The following DPP9 variants were observed in gnomAD, a reference collection of about 807,000 sequenced individuals.
DPP9 encodes the protein dipeptidyl peptidase 9, also known as dipeptidyl peptidase IV-related protein-2.
DPP9 carries 50 observed loss-of-function variants against 110.7 expected under a neutral mutation model. That is an observed-to-expected ratio of 0.45 (90% CI 0.36 to 0.57). DPP9 has a LOEUF of 0.57. Among genes scored for constraint, DPP9 ranks in the 20% least tolerant of loss-of-function variants. DPP9 has a pLI of 0.00. For synonymous variants in DPP9, 561 were observed against 514.4 expected (o/e 1.09, Z -1.23); for missense variants, 1,022 against 1,217.9 (o/e 0.84, Z 2.39).
rs2091998934 is a variant in DPP9, at chr19:4,698,706, C to T, written c.1075-1055G>A. Among the ~76,000 whole-genome samples, 1 of 151,942 alleles carries T rather than the reference C, an allele frequency of 6.6e-6. No individual in the cohort carries two copies. The highest frequency in any genetic ancestry group is 1.5e-5 in the Non-Finnish European group (1 of 68,018). On this transcript the variant is annotated intron_variant, in intron 10 of 21. Transcript: ENST00000262960. The surrounding 1 kb of genome is among the most constrained non-coding windows in gnomAD (Gnocchi z 4.2). Reference sequence around the variant, plus strand: ...TTGAGGCTGCAGTGGGTCATGATTGCACCAGTGTACTCCAGCCTAGACGAC... The same window carrying T: ...TTGAGGCTGCAGTGGGTCATGATTGTACCAGTGTACTCCAGCCTAGACGAC...
At chr19:4,688,507 A>G (rs979210837) in intron 16 of DPP9, 2 of 418,262 alleles carry the variant, frequency 4.8e-6, no homozygotes, top group African/African-American at 4.1e-5. Context: ...GTTGGCACGG[A>G]GCTGCATCCC....
intron 21 of DPP9, among the ~76,000 whole-genome samples, chr19:4,679,087 C>T (rs905808149): frequency 2.0e-5 from 3 of 149,986 alleles, no homozygotes; most frequent in African/African-American, 7.5e-5. Flanking sequence ...TCCTCTACAG[C>T]AGAAGCCCCA....
intron 16 of DPP9, among the ~76,000 whole-genome samples, chr19:4,686,123 C>CT (rs34146833): frequency 4.3e-4 from 62 of 145,122 alleles, no homozygotes; most frequent in Middle Eastern, 3.5e-3. Flanking sequence ...TCTTTTTCTT[C>CT]TTTTTTTTTT....
In DPP9 at chr19:4,693,698, A is replaced by G. The variant is rs2091531085; in HGVS notation, c.1516+963T>C. On this transcript the variant is annotated intron_variant, in intron 13 of 21. Coordinates refer to ENST00000262960, the MANE Select transcript of DPP9 (RefSeq NM_139159.5). The surrounding 1 kb of genome is among the most constrained non-coding windows in gnomAD (Gnocchi z 5.0). ...CCCCTGGGCCTGTGTGCAAGCTGCA[A>G]CCAGAGGAGTCATCTGAAACTGAGG... is the stretch of plus-strand genomic sequence containing the variant. Among the ~76,000 whole-genome samples the G allele has an allele frequency of 6.6e-6, 1 of 151,978 alleles. No homozygotes were observed. The highest frequency in any genetic ancestry group is 2.4e-5 in the African/African-American group (1 of 41,382).
chr19:4,694,928 G>T lies in DPP9; in HGVS notation c.1354-105C>A. On this transcript the variant is annotated intron_variant, in intron 12 of 21. Transcript: ENST00000262960. This position sits in a 1 kb window ranked among gnomAD's most constrained non-coding sequence, Gnocchi z 4.0. ...TTTGGGAGGCTGGGGCAGGAGACTT[G>T]CTTGAGCCCAGGAATTTCAGAGACC... 2 of 1,162,910 alleles carry T rather than the reference G, an allele frequency of 1.7e-6. No homozygotes were observed. The highest frequency in any genetic ancestry group is 2.4e-6 in the Non-Finnish European group (2 of 818,626). The allele number at this position is 1,162,910 out of a possible 1,614,324, so 72.0% of individuals were successfully genotyped here.
intron 14 of DPP9, among the ~76,000 whole-genome samples, chr19:4,690,237 C>T (rs1016455954): frequency 1.3e-5 from 2 of 152,212 alleles, no homozygotes; most frequent in Non-Finnish European, 2.9e-5. Flanking sequence ...CGGGGCCCCT[C>T]CTTCACCTGT....
chr19:4,703,322 T>C (rs1356223036), intron 7 of DPP9, among the ~76,000 whole-genome samples: 1 of 152,014 alleles, frequency 6.6e-6, no homozygotes, highest in Non-Finnish European at 1.5e-5. Context: ...GGCTGACGCC[T>C]GCAGCAGAAA....
rs1321417537 is a variant in DPP9, at chr19:4,702,175, A to G, written c.884-20T>C. 1.2e-6 allele frequency: 2 copies of G among 1,600,544 alleles called. No homozygotes were observed. Among genetic ancestry groups the G allele is most frequent in the East Asian group, 4.5e-5 (2 of 44,684 alleles). ...CTGAACCTTGGGTGGGGTGGTGGAA[A>G]AACTGCTGAGGGTGCCAGAGGCAGA... On this transcript the variant is annotated intron_variant, in intron 8 of 21. Transcript: ENST00000262960.
At chr19:4,713,404 C>T (rs1355727328) in intron 4 of DPP9, among the ~76,000 whole-genome samples, 1 of 152,230 alleles carries the variant, frequency 6.6e-6, no homozygotes, top group Non-Finnish European at 1.5e-5. Context: ...CTAACCCGTG[C>T]CCTGAAGGCA....
rs573866284 is a variant in DPP9 at position 4,685,849 on chromosome 19, A to T, written c.1886-78T>A. On this transcript the variant is annotated intron_variant, in intron 16 of 21. Transcript: ENST00000262960. This position sits in a 1 kb window ranked among gnomAD's most constrained non-coding sequence, Gnocchi z 5.8. ...ACACCCTTGTTCTCCTGCCCACCCC[A>T]AGCCTTGGAGGGTGGACCAAAGCAC... 1 of 1,548,440 alleles carries T rather than the reference A, an allele frequency of 6.5e-7. No homozygotes were observed. The highest frequency in any genetic ancestry group is 1.2e-5 in the South Asian group (1 of 84,872).
chr19:4,684,585 C>T lies in DPP9; in HGVS notation c.2178+78G>A. 1 of 1,556,196 alleles carries T rather than the reference C, an allele frequency of 6.4e-7. No homozygotes were observed. The highest frequency in any genetic ancestry group is 8.7e-7 in the Non-Finnish European group (1 of 1,145,080). On this transcript the variant is annotated intron_variant, in intron 18 of 21. Transcript: ENST00000262960. The surrounding 1 kb of genome is among the most constrained non-coding windows in gnomAD (Gnocchi z 4.8). ...TGCGGGTGGTATTCCAGAGCCGCTC[C>T]CATGCCCTGCACCCACACGGCCCAG...
intron 21 of DPP9, among the ~76,000 whole-genome samples, chr19:4,678,715 T>C (rs1270814652): frequency 6.6e-6 from 1 of 152,006 alleles, no homozygotes; most frequent in Admixed American, 6.6e-5. Context: ...TGCGGCCCCA[T>C]TTCCCTGCTC....
intron 10 of DPP9, among the ~76,000 whole-genome samples, chr19:4,699,967 C>T (rs984529643): frequency 3.9e-5 from 6 of 152,222 alleles, no homozygotes; most frequent in African/African-American, 1.4e-4. Flanking sequence ...TTGTTCCTTA[C>T]CGCGGCGTGG....
chr19:4,689,479 C>T lies in DPP9; in HGVS notation c.1749+91G>A. Reference sequence around the variant, plus strand: ...TGAGAATGCGAGACCATGAGAATGACCCTGAGTGCTGTGCCGGGCCATGAG... The same window carrying T: ...TGAGAATGCGAGACCATGAGAATGATCCTGAGTGCTGTGCCGGGCCATGAG... On this transcript the variant is annotated intron_variant, in intron 15 of 21. Transcript: ENST00000262960. This position sits in a 1 kb window ranked among gnomAD's most constrained non-coding sequence, Gnocchi z 7.0. 1 of 1,460,108 alleles carries T rather than the reference C, an allele frequency of 6.8e-7. No individual in the cohort carries two copies. Among genetic ancestry groups the T allele is most frequent in the Non-Finnish European group, 9.1e-7 (1 of 1,095,438 alleles). The allele number at this position is 1,460,108 out of a possible 1,614,324, so 90.4% of individuals were successfully genotyped here. A position where few individuals can be genotyped will look rare whatever the true frequency, so the allele number is the denominator to read the frequency against.
chr19:4,695,479 T>C lies in DPP9; in HGVS notation c.1252A>G (p.Ser418Gly). ...AGCCGCTGCTCCTCATTCTCTGTGC[T>C]CGGGATGAACAGGGCCGGGGGGAGG... is the stretch of plus-strand genomic sequence containing the variant. ...VLLPPALFIP[S>G]TENEEQRLAS... The change falls in exon 12 of 22, where the codon AGC becomes GGC. Residue 418 changes from serine (S) to glycine (G), a missense_variant. Ser to Gly is a moderately conservative substitution (Grantham distance 56). Around this residue, in one of 3 missense-constraint regions of DPP9, gnomAD observed 810 missense variants for 920.6 expected, o/e 0.88. Coordinates refer to ENST00000262960, the MANE Select transcript of DPP9 (RefSeq NM_139159.5). The surrounding 1 kb of genome is among the most constrained non-coding windows in gnomAD (Gnocchi z 4.7). 1 of 1,576,284 alleles carries C rather than the reference T, an allele frequency of 6.3e-7. No individual in the cohort carries two copies.
At position 4,682,935 on chromosome 19, in the gene DPP9, G is replaced by C. The variant is rs2090110397; in HGVS notation, c.2332-97C>G. ...CAGCCGCTGTCCCGGGGCCGCCCTG[G>C]AGCCCGTGAGGAGCGCTCATGCACA... On this transcript the variant is annotated intron_variant, in intron 19 of 21. Coordinates refer to ENST00000262960, the MANE Select transcript of DPP9 (RefSeq NM_139159.5). This position sits in a 1 kb window ranked among gnomAD's most constrained non-coding sequence, Gnocchi z 7.1. The C allele has an allele frequency of 6.5e-7, 1 of 1,535,786 alleles. No individual in the cohort carries two copies. The highest frequency in any genetic ancestry group is 1.4e-5 in the African/African-American group (1 of 73,008).
Position 4,679,768 on chromosome 19 carries a change from G to A in DPP9, c.2586+67C>T, listed in dbSNP as rs895770856. 3 of 1,288,298 alleles carry A rather than the reference G, an allele frequency of 2.3e-6. No homozygotes were observed. In the African/African-American group the frequency reaches 4.4e-5, roughly 19 times the overall value. The allele number at this position is 1,288,298 out of a possible 1,614,324, so 79.8% of individuals were successfully genotyped here. A position where few individuals can be genotyped will look rare whatever the true frequency, so the allele number is the denominator to read the frequency against. ...TCACAGTGGGAAGCCACCCCGCCTCGTCCCACCCCCCACTCCCAGGGATCT... is the reference window on the plus strand; with the variant it reads ...TCACAGTGGGAAGCCACCCCGCCTCATCCCACCCCCCACTCCCAGGGATCT... On this transcript the variant is annotated intron_variant, in intron 21 of 21. Coordinates refer to ENST00000262960, the MANE Select transcript of DPP9 (RefSeq NM_139159.5).
intron 14 of DPP9, 123 bp downstream of exon 14, chr19:4,690,751 GTGTA>G (rs1440374564): frequency 3.9e-6 from 3 of 771,568 alleles, no homozygotes; most frequent in African/African-American, 1.7e-5. Flanking sequence ...GTGTGCGTGT[GTGTA>G]TGTGTGAGAA....
chr19:4,688,799 G>T lies in DPP9; in HGVS notation c.1843C>A (p.His615Asn). 6.8e-7 allele frequency: 1 copy of T among 1,480,252 alleles called. No individual in the cohort carries two copies. The allele number at this position is 1,480,252 out of a possible 1,614,324, so 91.7% of individuals were successfully genotyped here. A position where few individuals can be genotyped will look rare whatever the true frequency, so the allele number is the denominator to read the frequency against. ...KLSGPDDDPL[H>N]KQPRFWASMM... is the part of the protein sequence containing the mutation. ...CTAGCCCAGAAGCGGGGCTGCTTGTGCAGGGGGTCGTCGTCGGGGCCGCTC... is the reference window on the plus strand; with the variant it reads ...CTAGCCCAGAAGCGGGGCTGCTTGTTCAGGGGGTCGTCGTCGGGGCCGCTC... The change falls in exon 16 of 22, where the codon CAC becomes AAC. Residue 615 changes from histidine to asparagine, a missense_variant. His to Asn is a moderately conservative substitution (Grantham distance 68). Around this residue, in one of 3 missense-constraint regions of DPP9, gnomAD observed 810 missense variants for 920.6 expected, o/e 0.88. Transcript: ENST00000262960.
Sources: allele counts gnomAD v4.1 joint callset (sites outside exome capture counted in the v4.1 genomes callset), GRCh38; gene constraint gnomAD v4.1.1; regional missense constraint gnomAD v4.1.1; non-coding constraint Gnocchi (gnomAD v3.1); transcripts MANE v1.5; gene names NCBI Gene and HGNC (gene_info 2026-07-23, HGNC 2026-07-21).